TSNAXIP1: variants seen among roughly 807,000 people sequenced by gnomAD.
The protein encoded by TSNAXIP1 is translin-associated factor X-interacting protein 1.
Under a neutral mutation model 84.8 loss-of-function variants are expected in TSNAXIP1, and 89 were observed. The observed-to-expected ratio is 1.05, with a 90% confidence interval of 0.88 to 1.25. The LOEUF (loss-of-function observed/expected upper bound fraction) is 1.25. TSNAXIP1 is among the 50% of genes most tolerant of loss of function. The probability of loss-of-function intolerance (pLI) is 0.00; values close to 1 mark genes in which losing one functional copy is unlikely to be tolerated. For synonymous variants in TSNAXIP1, 347 were observed against 335.2 expected, an observed-to-expected ratio of 1.04 and a Z score of -0.39; for missense variants, 874 against 887.6, an observed-to-expected ratio of 0.98 and a Z score of 0.20.
At chr16:67,827,449 C>T in intron 14 of TSNAXIP1, 24 bp from the exon 15 acceptor site, 1 of 1,614,112 alleles carries the variant, frequency 6.2e-7, no homozygotes, top group African/African-American at 1.3e-5. Flanking sequence ...ATGTGCCCTC[C>T]CCCTGACTTG....
Position 67,815,044 on chromosome 16 carries a change from G to A in TSNAXIP1, c.147+643G>A, listed in dbSNP as rs543034841. 8.6e-5 allele frequency among the ~76,000 whole-genome samples: 13 copies of A among 151,840 alleles called. No homozygotes were observed. In the East Asian group the frequency reaches 1.9e-3, roughly 23 times the overall value. Reference sequence around the variant, plus strand: ...AAATTAAAAAAAAAAAGAGCCGGGCGCAGTGACTCATGCCTATAATCCCAG... The same window carrying A: ...AAATTAAAAAAAAAAAGAGCCGGGCACAGTGACTCATGCCTATAATCCCAG... On this transcript the variant is annotated intron_variant, in intron 2 of 15. Transcript: ENST00000561639.
At chr16:67,817,656 C>G (rs1041809863) in intron 2 of TSNAXIP1, among the ~76,000 whole-genome samples, 8 of 149,862 alleles carry the variant, frequency 5.3e-5, no homozygotes, top group African/African-American at 2.0e-4. Context: ...CTTTGGGAGG[C>G]CGAAGTGGGT....
intron 2 of TSNAXIP1, among the ~76,000 whole-genome samples, chr16:67,815,313 CAAAAAAAA>C (rs561529036): frequency 2.0e-5 from 1 of 50,040 alleles, no homozygotes; most frequent in East Asian, 7.3e-4. Flanking sequence ...GACTACATCT[CAAAAAAAA>C]AAAAAAAAAA....
chr16:67,826,037 C>T lies in TSNAXIP1; in HGVS notation c.1105C>T (p.Arg369Cys), dbSNP rs1027064328. The change falls in exon 9 of 16, where the codon CGC becomes TGC. Residue 369 changes from arginine to cysteine, a missense_variant. Physicochemically the swap from Arg to Cys is radical, Grantham distance 180. Transcript: ENST00000561639. ...CTTCTCTGAGCTGCAGGAGATCCAG[C>T]GCACTTCCACGCCGCGGCCTGACTG... ...QFFSELQEIQ[R>C]TSTPRPDWTK... 9.9e-6 allele frequency: 16 copies of T among 1,613,684 alleles called. No homozygotes were observed. The highest frequency in any genetic ancestry group is 1.3e-5 in the African/African-American group (1 of 74,916).
chr16:67,826,259 G>A lies in TSNAXIP1; in HGVS notation c.1252G>A (p.Glu418Lys), dbSNP rs768173669. 1 of 1,581,858 alleles carries A rather than the reference G, an allele frequency of 6.3e-7. No homozygotes were observed. The highest frequency in any genetic ancestry group is 8.6e-7 in the Non-Finnish European group (1 of 1,162,346). ...AGAGATTGGTTCGGGGCTGCTGCGG[G>A]AGAAAGACTTCTTCCCTGGTCTGGT... ...LEEIGSGLLR[E>K]KDFFPGLGYG... Residue 418 changes from glutamate (E) to lysine (K), a missense_variant, in exon 10 of 16, where the codon GAG (glutamate) becomes AAG (lysine). Transcript: ENST00000561639.
rs1598012310 is a variant in TSNAXIP1, at chr16:67,814,712, C to A, written c.147+311C>A. Among the ~76,000 whole-genome samples, 3 of 152,180 alleles carry A rather than the reference C, an allele frequency of 2.0e-5. No individual in the cohort carries two copies. The South Asian group carries it at 6.2e-4, about 31-fold the overall frequency. ...GCTCAGCATTCTGCAGCGGCCCTTA[C>A]CTCTCATCCCTCCCGCCAACACACC... is the stretch of plus-strand genomic sequence containing the variant. On this transcript the variant is annotated intron_variant, in intron 2 of 15. Coordinates refer to ENST00000561639, the MANE Select transcript of TSNAXIP1 (RefSeq NM_001288990.3).
intron 7 of TSNAXIP1, 146 bp downstream of exon 7, chr16:67,825,418 G>C: frequency 8.0e-7 from 1 of 1,249,360 alleles, no homozygotes; most frequent in East Asian, 2.4e-5. Flanking sequence ...CCTCCCGCAG[G>C]GCTGTGTATC....
At chr16:67,815,423 A>T (rs1449593229) in intron 2 of TSNAXIP1, among the ~76,000 whole-genome samples, 1 of 151,402 alleles carries the variant, frequency 6.6e-6, no homozygotes, top group Non-Finnish European at 1.5e-5. Flanking sequence ...GCAGTCTCAA[A>T]TGCCAGGGCT....
intron 1 of TSNAXIP1, 104 bp downstream of exon 1, chr16:67,807,300 A>AT (rs2151175291): frequency 6.5e-7 from 1 of 1,534,796 alleles, no homozygotes; most frequent in East Asian, 2.4e-5. Context: ...GCCTCTGACC[A>AT]TTGATCTAGG....
chr16:67,823,558 G>T, intron 4 of TSNAXIP1, 68 bp from the exon 5 acceptor site: 1 of 1,344,508 alleles, frequency 7.4e-7, no homozygotes, highest in Non-Finnish European at 1.1e-6. Flanking sequence ...AAAAGAAAAA[G>T]AAAAACAGTT....
intron 2 of TSNAXIP1, among the ~76,000 whole-genome samples, chr16:67,819,178 CAAAT>C (rs949404650): frequency 3.3e-5 from 5 of 151,356 alleles, no homozygotes; most frequent in Non-Finnish European, 7.4e-5. Context: ...AACTCCATCT[CAAAT>C]AAATAAATAA....
Position 67,825,302 on chromosome 16 carries a change from T to C in TSNAXIP1, c.814+30T>C, listed in dbSNP as rs575454401. On this transcript the variant is annotated intron_variant, in intron 7 of 15. Coordinates refer to ENST00000561639, the MANE Select transcript of TSNAXIP1 (RefSeq NM_001288990.3). ...GCCTGAATTGGGAATCGGGTTTCTCTCTTCTCTGAGACGCTGGAAGACTCT... is the reference window on the plus strand; with the variant it reads ...GCCTGAATTGGGAATCGGGTTTCTCCCTTCTCTGAGACGCTGGAAGACTCT... 2.5e-6 allele frequency: 4 copies of C among 1,612,632 alleles called. No individual in the cohort carries two copies. In the African/African-American group the frequency reaches 5.3e-5, roughly 21 times the overall value.
At chr16:67,823,877 C>T (rs1010603709) in intron 5 of TSNAXIP1, among the ~76,000 whole-genome samples, 158 bp downstream of exon 5, 2 of 151,278 alleles carry the variant, frequency 1.3e-5, no homozygotes, top group Admixed American at 1.3e-4. Flanking sequence ...AAATTAGCTG[C>T]GCATGGTGGC....
At chr16:67,807,367 G>C (rs1439464198) in intron 1 of TSNAXIP1, 171 bp downstream of exon 1, 2 of 1,532,170 alleles carry the variant, frequency 1.3e-6, no homozygotes, top group Admixed American at 2.0e-5. Context: ...CAGTGAAGAC[G>C]TTACGTGCTA....
At position 67,825,987 on chromosome 16, in the gene TSNAXIP1, G is replaced by T; in HGVS notation, c.1055G>T (p.Ser352Ile). ...EHEILMQLHMSTLKERDQFFS... is the reference protein window; with the variant it reads ...EHEILMQLHMITLKERDQFFS... ...GAGATCCTCATGCAGCTGCACATGA[G>T]CACGCTGAAGGAACGGGACCAATTC... Residue 352 changes from serine (S) to isoleucine (I), a missense_variant, in exon 9 of 16, where the codon AGC becomes ATC. Physicochemically the swap from Ser to Ile is moderately radical, Grantham distance 142 (BLOSUM62 -2). Coordinates refer to ENST00000561639, the MANE Select transcript of TSNAXIP1 (RefSeq NM_001288990.3). 6.2e-7 allele frequency: 1 copy of T among 1,614,074 alleles called. No individual in the cohort carries two copies. Among genetic ancestry groups the T allele is most frequent in the Non-Finnish European group, 8.5e-7 (1 of 1,180,038 alleles).
In TSNAXIP1 at chr16:67,824,676, G is replaced by C. The variant is rs756374450; in HGVS notation, c.575G>C (p.Arg192Thr). The C allele has an allele frequency of 1.2e-5, 19 of 1,614,076 alleles. No homozygotes were observed. The highest frequency in any genetic ancestry group is 4.2e-6 in the Non-Finnish European group (5 of 1,180,048). Residue 192 changes from arginine (R) to threonine (T), a missense_variant, in exon 6 of 16, where the codon AGA becomes ACA. Coordinates refer to ENST00000561639, the MANE Select transcript of TSNAXIP1 (RefSeq NM_001288990.3). ...TGCAATGAGAGGATCCTGGCCATGA[G>C]AGCTGAGGAGAAATATGAAATCTCC... ...EDCNERILAMRAEEKYEISLL... is the reference protein window; with the variant it reads ...EDCNERILAMTAEEKYEISLL...
At chr16:67,818,134 A>C (rs1190166261) in intron 2 of TSNAXIP1, among the ~76,000 whole-genome samples, 1 of 151,184 alleles carries the variant, frequency 6.6e-6, no homozygotes, top group Non-Finnish European at 1.5e-5. Context: ...ACTTGAACCC[A>C]GGAGGTGGAG....
intron 2 of TSNAXIP1, among the ~76,000 whole-genome samples, chr16:67,815,945 GCA>G (rs2056511837): frequency 6.7e-6 from 1 of 149,784 alleles, no homozygotes. Context: ...GATTACAGGT[GCA>G]CACCACCATG....
rs1289189068 is a variant in TSNAXIP1, at chr16:67,827,539, G to A, written c.1858G>A (p.Glu620Lys). The A allele has an allele frequency of 7.4e-6, 12 of 1,614,076 alleles. No homozygotes were observed. The highest frequency in any genetic ancestry group is 1.6e-4 in the Middle Eastern group (1 of 6,084). The change falls in exon 15 of 16, where the codon GAG becomes AAG. Residue 620 changes from glutamate (E) to lysine (K), a missense_variant. Transcript: ENST00000561639. ...GGAACAATACATGGATGAGAAGGAC[G>A]AGTACTTACAGCAGCTAAAGCAGGA... is the stretch of plus-strand genomic sequence containing the variant. ...LWEQYMDEKD[E>K]YLQQLKQELG...
Sources: allele counts gnomAD v4.1 joint callset (sites outside exome capture counted in the v4.1 genomes callset), GRCh38; gene constraint gnomAD v4.1.1; transcripts MANE v1.5; gene names NCBI Gene and HGNC (gene_info 2026-07-23, HGNC 2026-07-21).